FASTKD5: variants seen among roughly 807,000 people sequenced by gnomAD.
FASTKD5 encodes the protein FAST kinase domains 5, also known as non-canonical pre-mRNAs endonuclease FASTKD5, mitochondrial.
A neutral mutation model predicts 44.0 loss-of-function variants in FASTKD5; 30 were observed. The observed-to-expected ratio is 0.68, with a 90% confidence interval of 0.51 to 0.93. The LOEUF (loss-of-function observed/expected upper bound fraction) is 0.93. Ranked by LOEUF, FASTKD5 falls within the 40% of genes least tolerant of loss-of-function variation. The pLI, the probability that FASTKD5 is intolerant of heterozygous loss-of-function variation, is 0.00. For missense variants in FASTKD5, 868 were observed against 908.2 expected (o/e 0.96, Z 0.57); for synonymous variants, 335 against 342.2 (o/e 0.98, Z 0.23).
At chr20:3,152,393 T>C (rs1409952021) in intron 1 of FASTKD5, among the ~76,000 whole-genome samples, 1 of 151,862 alleles carries the variant, frequency 6.6e-6, no homozygotes, top group African/African-American at 2.4e-5. Context: ...TCCCAGCTAC[T>C]CGGGAGGCTG....
intron 1 of FASTKD5, among the ~76,000 whole-genome samples, chr20:3,152,285 G>C (rs1029196201): frequency 6.6e-6 from 1 of 151,438 alleles, no homozygotes; most frequent in African/African-American, 2.4e-5. Context: ...TTCGAGACCA[G>C]CCTGGCCAAC....
rs1349822356 is a variant in FASTKD5, at chr20:3,148,415, G to A, written c.656C>T (p.Pro219Leu). ...CACATCTAGCATTGAATGGGAGTGA[G>A]GGATTCCTAAAATGACAAAAGCTTT... ...VLKAFVILGI[P>L]HSHSMLDVYE... The change falls in exon 2 of 2, where the codon CCT (proline) becomes CTT (leucine). Residue 219 changes from proline to leucine, a missense_variant. Physicochemically the swap from Pro to Leu is moderately conservative, Grantham distance 98. Transcript: ENST00000380266. The A allele has an allele frequency of 2.9e-5, 46 of 1,614,034 alleles. No homozygotes were observed. Among genetic ancestry groups the A allele is most frequent in the Non-Finnish European group, 3.7e-5 (44 of 1,180,028 alleles).
At position 3,147,013 on chromosome 20, in the gene FASTKD5, G is replaced by T; in HGVS notation, c.2058C>A (p.Pro686=). ...TTCTTGGGGTCTGCATGCAGGCTGC[G>T]GGGCACAGGCCAGCCATCTCCATGG... ...SGAMEMAGLC[P]AACMQTPRMK... The change falls in exon 2 of 2, where the codon CCC becomes CCA. Residue 686 remains proline, a synonymous_variant. Coordinates refer to ENST00000380266, the MANE Select transcript of FASTKD5 (RefSeq NM_021826.5). 6.2e-7 allele frequency: 1 copy of T among 1,614,168 alleles called. No individual in the cohort carries two copies. Among genetic ancestry groups the T allele is most frequent in the Non-Finnish European group, 8.5e-7 (1 of 1,180,048 alleles).
chr20:3,149,126 C>T lies in FASTKD5; in HGVS notation c.-56G>A. ...CAGAATACAGTCCTCACAGATTTGACCAGGCAATTTCTTGTTTATATGGTG... is the reference window on the plus strand; with the variant it reads ...CAGAATACAGTCCTCACAGATTTGATCAGGCAATTTCTTGTTTATATGGTG... On this transcript the variant is annotated 5_prime_UTR_variant, in exon 2 of 2. The change creates a premature stop within an existing upstream ORF in the 5' untranslated region. Coordinates refer to ENST00000380266, the MANE Select transcript of FASTKD5 (RefSeq NM_021826.5). This position sits in a 1 kb window ranked among gnomAD's most constrained non-coding sequence, Gnocchi z 4.1. 4 of 1,536,104 alleles carry T rather than the reference C, an allele frequency of 2.6e-6. No individual in the cohort carries two copies. Among genetic ancestry groups the T allele is most frequent in the African/African-American group, 1.4e-5 (1 of 72,440 alleles).
At position 3,149,326 on chromosome 20, in the gene FASTKD5, T is replaced by G; in HGVS notation, c.-190-66A>C. ...TAAAAGCATCCAAATTTACACATTATAAAAAACAGGTTGAAACTACACTGC... is the reference window on the plus strand; with the variant it reads ...TAAAAGCATCCAAATTTACACATTAGAAAAAACAGGTTGAAACTACACTGC... On this transcript the variant is annotated intron_variant, in intron 1 of 1. Transcript: ENST00000380266. The surrounding 1 kb of genome is among the most constrained non-coding windows in gnomAD (Gnocchi z 4.1). 2.1e-6 allele frequency: 1 copy of G among 482,142 alleles called. No individual in the cohort carries two copies. The highest frequency in any genetic ancestry group is 3.7e-6 in the Non-Finnish European group (1 of 271,276). 29.9% of individuals were successfully genotyped at this position (482,142 alleles called of 1,614,324 possible). A position where few individuals can be genotyped will look rare whatever the true frequency, so the allele number is the denominator to read the frequency against.
chr20:3,150,116 G>A (rs970075611), intron 1 of FASTKD5, among the ~76,000 whole-genome samples: 1 of 151,966 alleles, frequency 6.6e-6, no homozygotes, highest in African/African-American at 2.4e-5. Context: ...TCATTCTAAT[G>A]CTGTTCTTTT....
intron 1 of FASTKD5, among the ~76,000 whole-genome samples, chr20:3,156,468 C>T (rs563084290): frequency 1.2e-4 from 18 of 152,256 alleles, no homozygotes; most frequent in Admixed American, 7.9e-4. Context: ...GGAGCCACCA[C>T]GCCCGGCCTG....
rs1346917886 is a variant in FASTKD5, at chr20:3,146,862, A to G, written c.2209T>C (p.Tyr737His). The G allele has an allele frequency of 6.2e-7, 1 of 1,614,244 alleles. No homozygotes were observed. The highest frequency in any genetic ancestry group is 2.2e-5 in the East Asian group (1 of 44,892). The stretch of plus-strand genomic sequence containing the variant: ...TTCAGTAGTGGGAGCCATTCCCAGT[A>G]GGATAACTCTACCACACGGTAGCCA... ...RLGYRVVELS[Y>H]WEWLPLLKRT... is the part of the protein sequence containing the mutation. The change falls in exon 2 of 2, where the codon TAC (tyrosine) becomes CAC (histidine). Residue 737 changes from tyrosine (Y) to histidine (H), a missense_variant. Tyr to His is a moderately conservative substitution (Grantham distance 83). Coordinates refer to ENST00000380266, the MANE Select transcript of FASTKD5 (RefSeq NM_021826.5).
At chr20:3,151,034 A>G (rs1044444142) in intron 1 of FASTKD5, among the ~76,000 whole-genome samples, 1 of 152,052 alleles carries the variant, frequency 6.6e-6, no homozygotes, top group Non-Finnish European at 1.5e-5. Flanking sequence ...GGTGCACACC[A>G]CCAAACCCAG....
Position 3,147,212 on chromosome 20 carries a change from T to A in FASTKD5, c.1859A>T (p.His620Leu), listed in dbSNP as rs752882767. 1.2e-6 allele frequency: 2 copies of A among 1,614,212 alleles called. No homozygotes were observed. The highest frequency in any genetic ancestry group is 2.2e-5 in the East Asian group (1 of 44,892). Residue 620 changes from histidine to leucine, a missense_variant, in exon 2 of 2, where the codon CAT (histidine) becomes CTT (leucine). Physicochemically the swap from His to Leu is moderately conservative, Grantham distance 99. Coordinates refer to ENST00000380266, the MANE Select transcript of FASTKD5 (RefSeq NM_021826.5). Reference protein sequence around the residue: ...AENVAKLRLEHVGVSLTDDLM... With the variant: ...AENVAKLRLELVGVSLTDDLM... The stretch of plus-strand genomic sequence containing the variant: ...ATCATCTGTAAGGCTGACTCCCACA[T>A]GCTCAAGCCTTAATTTGGCTACATT...
In FASTKD5 at chr20:3,146,808, G is replaced by A. The variant is rs1008758531; in HGVS notation, c.2263C>T (p.Leu755Phe). Residue 755 changes from leucine (L) to phenylalanine (F), a missense_variant, in exon 2 of 2, where the codon CTT becomes TTT. By Grantham distance (22) the Leu-to-Phe change is conservative. Coordinates refer to ENST00000380266, the MANE Select transcript of FASTKD5 (RefSeq NM_021826.5). ...GCAGAGGTGAATACTTTCTCATGAA[G>A]AAACGCCAACTTTTCTAAGCGAGTT... Reference protein sequence around the residue: ...KRTRLEKLAFLHEKVFTSAL With the variant: ...KRTRLEKLAFFHEKVFTSAL The A allele has an allele frequency of 2.5e-6, 4 of 1,613,992 alleles. No homozygotes were observed. The highest frequency in any genetic ancestry group is 2.5e-6 in the Non-Finnish European group (3 of 1,179,996).
chr20:3,159,387 A>C (rs56362715), intron 1 of FASTKD5, among the ~76,000 whole-genome samples: 2,098 of 152,294 alleles, frequency 0.014, 19 homozygotes, highest in Middle Eastern at 0.068. Context: ...CCCCAGTCCT[A>C]CAGAATCAGA....
chr20:3,159,313 C>T (rs1376614937), intron 1 of FASTKD5, among the ~76,000 whole-genome samples: 2 of 152,178 alleles, frequency 1.3e-5, no homozygotes, highest in African/African-American at 4.8e-5. Context: ...AGTGTGTGGT[C>T]TGCGTGCCAG....
Position 3,148,209 on chromosome 20 carries a change from T to C in FASTKD5, c.862A>G (p.Ile288Val), listed in dbSNP as rs1600411182. 3 of 1,614,016 alleles carry C rather than the reference T, an allele frequency of 1.9e-6. No homozygotes were observed. The highest frequency in any genetic ancestry group is 1.1e-5 in the South Asian group (1 of 91,076). Residue 288 changes from isoleucine to valine, a missense_variant, in exon 2 of 2, where the codon ATA (isoleucine) becomes GTA (valine). By Grantham distance (29) the Ile-to-Val change is conservative (BLOSUM62 3). Coordinates refer to ENST00000380266, the MANE Select transcript of FASTKD5 (RefSeq NM_021826.5). ...TGGGATACCTGACGATTTTCACCTA[T>C]AACATAAATTAAGTGAACTAGCTGA... is the stretch of plus-strand genomic sequence containing the variant. Reference protein sequence around the residue: ...LSQLVHLIYVIGENRQVSQDL... With the variant: ...LSQLVHLIYVVGENRQVSQDL...
chr20:3,148,872 T>C lies in FASTKD5; in HGVS notation c.199A>G (p.Arg67Gly), dbSNP rs756980695. The C allele has an allele frequency of 6.2e-7, 1 of 1,614,192 alleles. No individual in the cohort carries two copies. The highest frequency in any genetic ancestry group is 1.7e-5 in the Admixed American group (1 of 60,020). ...KNICSTFSSR[R>G]ILTTSSAHPG... ...TGGGCACTGCTGGTTGTCAGGATTC[T>C]CCGAGAAGAGAAGGTGCTACATATG... Residue 67 changes from arginine to glycine, a missense_variant, in exon 2 of 2, where the codon AGA becomes GGA. By Grantham distance (125) the Arg-to-Gly change is moderately radical (BLOSUM62 -2). Coordinates refer to ENST00000380266, the MANE Select transcript of FASTKD5 (RefSeq NM_021826.5).
intron 1 of FASTKD5, among the ~76,000 whole-genome samples, chr20:3,154,471 C>T (rs552295114): frequency 9.9e-5 from 15 of 152,198 alleles, no homozygotes; most frequent in African/African-American, 3.6e-4. Flanking sequence ...CACTTGAGGC[C>T]GGGAGTTTGA....
chr20:3,159,222 G>A (rs2066721033), intron 1 of FASTKD5, among the ~76,000 whole-genome samples: 1 of 152,188 alleles, frequency 6.6e-6, no homozygotes, highest in Non-Finnish European at 1.5e-5. Flanking sequence ...TGGGGGGAAG[G>A]TATATATCCT....
In FASTKD5 at chr20:3,148,540, C is replaced by T; in HGVS notation, c.531G>A (p.Gln177=). 1 of 1,614,128 alleles carries T rather than the reference C, an allele frequency of 6.2e-7. No individual in the cohort carries two copies. The highest frequency in any genetic ancestry group is 8.5e-7 in the Non-Finnish European group (1 of 1,180,044). ...LCKLSSLPAE[Q]HPVLLGSTSF... is the part of the protein sequence containing the mutation. ...TGGTACTGCCCAGCAAGACAGGATG[C>T]TGCTCTGCAGGCAAAGAGCTCAGCT... Residue 177 remains glutamine, a synonymous_variant, in exon 2 of 2, where the codon CAG becomes CAA. Transcript: ENST00000380266.
chr20:3,152,613 G>T (rs2066642514), intron 1 of FASTKD5, among the ~76,000 whole-genome samples: 1 of 152,058 alleles, frequency 6.6e-6, no homozygotes, highest in Non-Finnish European at 1.5e-5. Context: ...TCTCATTTGA[G>T]GAAGGAGATC....
Sources: gnomAD v4.1 joint callset for allele counts (sites outside exome capture counted in the v4.1 genomes callset) on GRCh38, gnomAD v4.1.1 for gene constraint, Gnocchi (gnomAD v3.1) non-coding constraint, MANE v1.5 for transcripts, NCBI Gene and HGNC (gene_info 2026-07-23, HGNC 2026-07-21) for gene names.